PDCD4: variants seen among roughly 807,000 people sequenced by gnomAD.
PDCD4 encodes programmed cell death 4.
PDCD4 carries 56 observed loss-of-function variants against 54.0 expected under a neutral mutation model. The observed-to-expected ratio is 1.04, with a 90% confidence interval of 0.84 to 1.30. PDCD4 has a LOEUF of 1.30. PDCD4 is among the 50% of genes most tolerant of loss of function. The pLI, the probability that PDCD4 is intolerant of heterozygous loss-of-function variation, is 0.00. For synonymous variants in PDCD4, 186 were observed against 194.8 expected (o/e 0.95, Z 0.37); for missense variants, 584 against 559.8 (o/e 1.04, Z -0.44).
At chr10:110,889,763 A>AC in intron 7 of PDCD4, 133 bp downstream of exon 7, 1 of 630,420 alleles carries the variant, frequency 1.6e-6, no homozygotes, top group Non-Finnish European at 2.8e-6. Flanking sequence ...TCCACTGTTA[A>AC]AATGGAGAGA....
intron 5 of PDCD4, among the ~76,000 whole-genome samples, chr10:110,886,974 A>G (rs1845678006): frequency 6.6e-6 from 1 of 152,144 alleles, no homozygotes; most frequent in Non-Finnish European, 1.5e-5. Context: ...GCTTATGATA[A>G]TCTAAAATGA....
chr10:110,896,483 T>C (rs931079622), intron 11 of PDCD4, among the ~76,000 whole-genome samples: 1 of 152,178 alleles, frequency 6.6e-6, no homozygotes, highest in Non-Finnish European at 1.5e-5. Context: ...TCTAGGCTCT[T>C]ACCTGTACTG....
At position 110,881,607 on chromosome 10, in the gene PDCD4, C is replaced by T. The variant is rs371503732; in HGVS notation, c.346+72C>T. On this transcript the variant is annotated intron_variant, in intron 3 of 11. Transcript: ENST00000280154. ...AAAATTGTCTGGTTCTTGTACTACA[C>T]TTTCCTTGTTCTAGGAATGAGAGAG... The T allele has an allele frequency of 5.3e-3, 6,592 of 1,250,732 alleles. 324 individuals are homozygous for T. In the South Asian group the frequency reaches 0.087, roughly 17 times the overall value. 77.5% of individuals were successfully genotyped at this position (1,250,732 alleles called of 1,614,324 possible). A position where few individuals can be genotyped will look rare whatever the true frequency, so the allele number is the denominator to read the frequency against.
chr10:110,874,245 A>G (rs1456679552), intron 1 of PDCD4, among the ~76,000 whole-genome samples: 1 of 152,228 alleles, frequency 6.6e-6, no homozygotes, highest in Non-Finnish European at 1.5e-5. Context: ...TTTGAATTGT[A>G]AAGGGCTTTA....
intron 6 of PDCD4, among the ~76,000 whole-genome samples, chr10:110,889,072 A>C (rs1176498898): frequency 6.6e-6 from 1 of 152,060 alleles, no homozygotes; most frequent in Non-Finnish European, 1.5e-5. Flanking sequence ...TCTACTAGAA[A>C]TACAAAAATT....
chr10:110,885,345 T>G lies in PDCD4; in HGVS notation c.534T>G (p.His178Gln), dbSNP rs1269356174. 6.4e-7 allele frequency: 1 copy of G among 1,561,126 alleles called. No homozygotes were observed. The highest frequency in any genetic ancestry group is 8.8e-7 in the Non-Finnish European group (1 of 1,136,794). The change falls in exon 5 of 12, where the codon CAT becomes CAG. Residue 178 changes from histidine (H) to glutamine (Q), a missense_variant. Physicochemically the swap from His to Gln is conservative, Grantham distance 24. Coordinates refer to ENST00000280154, the MANE Select transcript of PDCD4 (RefSeq NM_014456.5). Reference sequence around the variant, plus strand: ...CAATCATACAGGAATATTTTGAGCATGGAGATACTAATGAAGTTGCGGTAG... The same window carrying G: ...CAATCATACAGGAATATTTTGAGCAGGGAGATACTAATGAAGTTGCGGTAG... The part of the protein sequence containing the change: ...LTPIIQEYFE[H>Q]GDTNEVAEML...
intron 7 of PDCD4, 47 bp downstream of exon 7, chr10:110,889,677 T>C (rs1286727260): frequency 2.0e-6 from 2 of 1,019,154 alleles, no homozygotes; most frequent in Admixed American, 1.9e-5. Context: ...TAGGGGAAAA[T>C]TCTACAGGAT....
At chr10:110,890,510 T>A in intron 7 of PDCD4, 46 bp from the exon 8 acceptor site, 2 of 1,066,550 alleles carry the variant, frequency 1.9e-6, no homozygotes, top group South Asian at 3.0e-5. Flanking sequence ...TAGTAAACTT[T>A]AGGTATGTCC....
At chr10:110,878,941 A>C (rs1845548587) in intron 2 of PDCD4, among the ~76,000 whole-genome samples, 1 of 152,174 alleles carries the variant, frequency 6.6e-6, no homozygotes, top group Non-Finnish European at 1.5e-5. Flanking sequence ...GACTACTTCC[A>C]CTAAGACTAT....
At chr10:110,878,267 T>C (rs962006489) in intron 2 of PDCD4, among the ~76,000 whole-genome samples, 1 of 152,178 alleles carries the variant, frequency 6.6e-6, no homozygotes. Flanking sequence ...ATATAAATTA[T>C]ACTGAGAGAA....
chr10:110,882,977 T>C, intron 3 of PDCD4, 26 bp from the exon 4 acceptor site: 1 of 1,402,920 alleles, frequency 7.1e-7, no homozygotes, highest in Non-Finnish European at 1.0e-6. Flanking sequence ...TTGTGTTTTT[T>C]CTTTCTCAAT....
intron 5 of PDCD4, among the ~76,000 whole-genome samples, chr10:110,886,215 C>T (rs1285171844): frequency 6.6e-6 from 1 of 152,076 alleles, no homozygotes; most frequent in African/African-American, 2.4e-5. Context: ...GAAAAGTTTC[C>T]ATGAGTCCTA....
intron 6 of PDCD4, 22 bp from the exon 7 acceptor site, chr10:110,889,511 C>CTT (rs745543372): frequency 4.5e-5 from 56 of 1,251,802 alleles, no homozygotes; most frequent in Middle Eastern, 4.2e-4. Flanking sequence ...TTTTATAGCT[C>CTT]TTTTTTTTTT....
chr10:110,896,090 A>G lies in PDCD4; in HGVS notation c.1349+3A>G, dbSNP rs997238456. 6.3e-7 allele frequency: 1 copy of G among 1,586,166 alleles called. No homozygotes were observed. The highest frequency in any genetic ancestry group is 1.1e-5 in the South Asian group (1 of 87,164). ...CTCAGAGATCTTTGTCCTTCAAGGT[A>G]CTTTATTTAAATACTACTTTCTCAA... On this transcript the variant is annotated splice_donor_region_variant and intron_variant, in intron 11 of 11. Transcript: ENST00000280154.
intron 5 of PDCD4, among the ~76,000 whole-genome samples, chr10:110,886,506 C>T (rs966944070): frequency 1.3e-5 from 2 of 152,116 alleles, no homozygotes; most frequent in Non-Finnish European, 2.9e-5. Context: ...ACACCAGTTA[C>T]GTGGCTGTGA....
chr10:110,873,958 G>A (rs1468831487), intron 1 of PDCD4, among the ~76,000 whole-genome samples: 1 of 152,190 alleles, frequency 6.6e-6, no homozygotes, highest in Non-Finnish European at 1.5e-5. Flanking sequence ...TTGGAAAACA[G>A]CATTTAAAAG....
intron 2 of PDCD4, among the ~76,000 whole-genome samples, chr10:110,878,987 C>T (rs890297567): frequency 2.6e-5 from 4 of 152,218 alleles, no homozygotes; most frequent in Non-Finnish European, 5.9e-5. Context: ...GTCCCAAACA[C>T]ACCATCCTAA....
chr10:110,877,291 A>G (rs1845520602), intron 2 of PDCD4, among the ~76,000 whole-genome samples: 1 of 152,116 alleles, frequency 6.6e-6, no homozygotes, highest in Non-Finnish European at 1.5e-5. Context: ...ACATGTGGTT[A>G]TTACTCCTGG....
At chr10:110,895,707 A>G (rs1007300552) in intron 10 of PDCD4, among the ~76,000 whole-genome samples, 5 of 152,132 alleles carry the variant, frequency 3.3e-5, no homozygotes, top group Non-Finnish European at 7.4e-5. Flanking sequence ...CAGCGTATAA[A>G]CCTTCCCTTT....
Sources: gnomAD v4.1 joint callset for allele counts (sites outside exome capture counted in the v4.1 genomes callset) on GRCh38, gnomAD v4.1.1 for gene constraint, MANE v1.5 for transcripts, NCBI Gene and HGNC (gene_info 2026-07-23, HGNC 2026-07-21) for gene names.